RNF130: variants seen among roughly 807,000 people sequenced by gnomAD.
RNF130 encodes ring finger protein 130, also known as E3 ubiquitin-protein ligase RNF130.
RNF130 carries 21 observed loss-of-function variants against 44.6 expected under a neutral mutation model. That is an observed-to-expected ratio of 0.47 (90% CI 0.33 to 0.68). RNF130 has a LOEUF of 0.68. RNF130 is among the 30% of genes least tolerant of loss of function. RNF130 has a pLI of 0.02. For missense variants in RNF130, 479 were observed against 560.6 expected, an observed-to-expected ratio of 0.85 and a Z score of 1.47; for synonymous variants, 214 against 210.4, an observed-to-expected ratio of 1.02 and a Z score of -0.15.
intron 7 of RNF130, among the ~76,000 whole-genome samples, chr5:179,944,904 C>T (rs1051741522): frequency 1.3e-5 from 2 of 152,144 alleles, no homozygotes; most frequent in African/African-American, 4.8e-5. Flanking sequence ...CCAGATAAGG[C>T]ACATATATTT....
intron 7 of RNF130, among the ~76,000 whole-genome samples, chr5:179,925,834 G>A (rs1761700274): frequency 6.6e-6 from 1 of 152,132 alleles, no homozygotes; most frequent in African/African-American, 2.4e-5. Context: ...CACCTGGCTG[G>A]GTTTATTCTG....
intron 1 of RNF130, among the ~76,000 whole-genome samples, chr5:180,062,207 G>A (rs1053960881): frequency 3.3e-5 from 5 of 151,866 alleles, no homozygotes; most frequent in Non-Finnish European, 5.9e-5. Flanking sequence ...GGCACGCACA[G>A]CCACGCCTAG....
intron 7 of RNF130, among the ~76,000 whole-genome samples, chr5:179,938,328 G>A (rs1761926260): frequency 6.6e-6 from 1 of 152,028 alleles, no homozygotes. Flanking sequence ...TACTTTGCAT[G>A]ATTCAATTCA....
At chr5:180,066,852 A>G (rs1291543783) in intron 1 of RNF130, among the ~76,000 whole-genome samples, 3 of 151,778 alleles carry the variant, frequency 2.0e-5, no homozygotes, top group Non-Finnish European at 4.4e-5. Flanking sequence ...AAATACAATA[A>G]AAATAAAAAT....
intron 7 of RNF130, among the ~76,000 whole-genome samples, chr5:179,947,301 A>C (rs1762055876): frequency 6.6e-6 from 1 of 152,186 alleles, no homozygotes; most frequent in Non-Finnish European, 1.5e-5. Flanking sequence ...TGCTGCCCAC[A>C]GTAAAGTCCG....
intron 3 of RNF130, among the ~76,000 whole-genome samples, chr5:179,988,688 C>A (rs758909493): frequency 5.3e-5 from 8 of 152,288 alleles, no homozygotes; most frequent in African/African-American, 1.9e-4. Flanking sequence ...TTAGTTTCCA[C>A]GTAGATACTG....
chr5:180,033,447 G>A (rs1450832280), intron 2 of RNF130, among the ~76,000 whole-genome samples: 1 of 152,218 alleles, frequency 6.6e-6, no homozygotes, highest in Non-Finnish European at 1.5e-5. Context: ...CTTTTGGGCA[G>A]GCCCAGTGGC....
intron 8 of RNF130, among the ~76,000 whole-genome samples, chr5:179,961,571 G>T (rs1762330339): frequency 6.6e-6 from 1 of 152,204 alleles, no homozygotes; most frequent in Non-Finnish European, 1.5e-5. Flanking sequence ...TGGCAGTCAG[G>T]TGACTATTAA....
intron 2 of RNF130, among the ~76,000 whole-genome samples, chr5:180,015,038 T>C (rs1342664488): frequency 1.3e-5 from 2 of 152,154 alleles, no homozygotes. Flanking sequence ...TGTAACCCAA[T>C]GGAACATATA....
At chr5:179,961,470 C>A (rs1469729856) in intron 8 of RNF130, among the ~76,000 whole-genome samples, 20 of 152,108 alleles carry the variant, frequency 1.3e-4, no homozygotes, top group Non-Finnish European at 2.9e-5. Context: ...AATATTACGG[C>A]CCACATACTA....
chr5:179,942,030 C>T (rs1761974972), intron 7 of RNF130, among the ~76,000 whole-genome samples: 3 of 152,094 alleles, frequency 2.0e-5, no homozygotes, highest in Non-Finnish European at 2.9e-5. Context: ...ATGGGCACAA[C>T]TCTGATACAG....
intron 1 of RNF130, among the ~76,000 whole-genome samples, chr5:180,070,490 T>C (rs964772517): frequency 6.6e-6 from 1 of 152,218 alleles, no homozygotes; most frequent in Admixed American, 6.5e-5. Context: ...CTTAAGAGTG[T>C]ACAAGCAAAT....
chr5:180,013,655 G>A (rs1318322923), intron 2 of RNF130, among the ~76,000 whole-genome samples: 1 of 152,188 alleles, frequency 6.6e-6, no homozygotes, highest in Non-Finnish European at 1.5e-5. Context: ...AGCAAGAGAA[G>A]TGTATCAACA....
chr5:179,994,679 A>G (rs1763162699), intron 3 of RNF130, among the ~76,000 whole-genome samples: 1 of 151,992 alleles, frequency 6.6e-6, no homozygotes, highest in South Asian at 2.1e-4. Context: ...CTGGCTCATA[A>G]CCTCCTGAGA....
intron 7 of RNF130, 34 bp downstream of exon 7, chr5:179,966,772 C>A (rs1257251220): frequency 6.3e-7 from 1 of 1,590,664 alleles, no homozygotes; most frequent in Middle Eastern, 1.7e-4. Context: ...TAGGCAGCCA[C>A]ATGCCCTGTG....
chr5:180,071,461 T>G lies in RNF130; in HGVS notation c.242A>C (p.His81Pro). 8.0e-7 allele frequency: 1 copy of G among 1,243,076 alleles called. No homozygotes were observed. The highest frequency in any genetic ancestry group is 1.0e-6 in the Non-Finnish European group (1 of 992,026). 77.0% of individuals were successfully genotyped at this position (1,243,076 alleles called of 1,614,324 possible). The change falls in exon 1 of 9, where the codon CAC becomes CCC. Residue 81 changes from histidine to proline, a missense_variant. Transcript: ENST00000521389. ...RGQVLAPLPL[H>P]GVADHLGCDP... Reference sequence around the variant, plus strand: ...GCCCCCGGGCCGGCACTCACCTCCGTGGAGGGGCAGCGGCGCCAGCACCTG... The same window carrying G: ...GCCCCCGGGCCGGCACTCACCTCCGGGGAGGGGCAGCGGCGCCAGCACCTG...
chr5:179,968,064 G>A (rs1164118469), intron 6 of RNF130, among the ~76,000 whole-genome samples: 4 of 152,120 alleles, frequency 2.6e-5, no homozygotes, highest in East Asian at 1.9e-4. Context: ...GGGAGGCCGA[G>A]GCGGGCAGAT....
intron 2 of RNF130, among the ~76,000 whole-genome samples, chr5:180,027,380 C>A (rs754782842): frequency 6.6e-6 from 1 of 152,156 alleles, no homozygotes; most frequent in Non-Finnish European, 1.5e-5. Flanking sequence ...GTATAATGAC[C>A]TTCTCTGAGT....
intron 3 of RNF130, among the ~76,000 whole-genome samples, chr5:179,992,994 A>G (rs1464965966): frequency 2.6e-5 from 4 of 152,108 alleles, no homozygotes; most frequent in Non-Finnish European, 2.9e-5. Context: ...CTGTCCTTGC[A>G]ATAGTTTGCT....
Sources: allele counts gnomAD v4.1 joint callset (sites outside exome capture counted in the v4.1 genomes callset), GRCh38; gene constraint gnomAD v4.1.1; transcripts MANE v1.5; gene names NCBI Gene and HGNC (gene_info 2026-07-23, HGNC 2026-07-21).